The following RNF212B variants were observed in gnomAD, a reference collection of about 807,000 sequenced individuals.
RNF212B encodes the protein E3 ubiquitin-protein ligase RNF212B.
A neutral mutation model predicts 55.5 loss-of-function variants in RNF212B; 52 were observed. That is an observed-to-expected ratio of 0.94 (90% CI 0.75 to 1.18). The LOEUF is 1.18. RNF212B is among the 50% of genes most tolerant of loss of function. The probability of loss-of-function intolerance (pLI) is 0.00; values close to 1 mark genes in which losing one functional copy is unlikely to be tolerated. For synonymous variants in RNF212B, 99 were observed against 121.4 expected (o/e 0.82, Z 1.21); for missense variants, 289 against 350.4 (o/e 0.82, Z 1.40).
At chr14:23,265,499 T>C (rs1459701304) in intron 11 of RNF212B, among the ~76,000 whole-genome samples, 1 of 152,202 alleles carries the variant, frequency 6.6e-6, no homozygotes, top group African/African-American at 2.4e-5. Context: ...AGAGAAGACT[T>C]TCACAAGAAA....
intron 2 of RNF212B, among the ~76,000 whole-genome samples, chr14:23,219,468 C>T (rs557608299): frequency 7.3e-6 from 1 of 137,724 alleles, no homozygotes. Flanking sequence ...TCTCCTTCTT[C>T]TCCTTCTAGT....
At position 23,248,203 on chromosome 14, in the gene RNF212B, CTGCAGCCT is replaced by C. The variant is rs549532168; in HGVS notation, c.228+3811_228+3818del. ...TGGCCAGTGGTGCAATCATGGCTCCCTGCAGCCTTGCCCTCTTGAGCTCAGGCGATCCT... is the reference window on the plus strand; with the variant it reads ...TGGCCAGTGGTGCAATCATGGCTCCCTGCCCTCTTGAGCTCAGGCGATCCT... On this transcript the variant is annotated intron_variant, in intron 4 of 14. Coordinates refer to ENST00000430154, the MANE Select transcript of RNF212B (RefSeq NM_001282322.3). 2.6e-5 allele frequency among the ~76,000 whole-genome samples: 4 copies of C among 152,094 alleles called. No individual in the cohort carries two copies. The South Asian group carries it at 8.3e-4, about 32-fold the overall frequency.
intron 1 of RNF212B, among the ~76,000 whole-genome samples, chr14:23,190,392 C>T (rs1029747934): frequency 6.6e-6 from 1 of 152,204 alleles, no homozygotes; most frequent in African/African-American, 2.4e-5. Flanking sequence ...CGCTCCAAAC[C>T]TGATTTTTGC....
chr14:23,215,846 C>T (rs539897095), intron 2 of RNF212B, among the ~76,000 whole-genome samples: 1 of 152,258 alleles, frequency 6.6e-6, no homozygotes, highest in African/African-American at 2.4e-5. Flanking sequence ...TTCTCCTAGT[C>T]CTTATCCATT....
At chr14:23,227,148 A>T (rs1308091113) in intron 2 of RNF212B, among the ~76,000 whole-genome samples, 1 of 152,062 alleles carries the variant, frequency 6.6e-6, no homozygotes, top group Non-Finnish European at 1.5e-5. Context: ...AAATGAGTCA[A>T]GGGTATATGG....
chr14:23,244,450 A>G, intron 4 of RNF212B, 54 bp downstream of exon 4: 1 of 918,034 alleles, frequency 1.1e-6, no homozygotes, highest in Admixed American at 2.6e-5. Context: ...TTCTAATTGC[A>G]TCTTATTCCT....
At chr14:23,237,462 A>G (rs906534764), upstream of RNF212B, among the ~76,000 whole-genome samples, 3 of 152,128 alleles carry the variant, frequency 2.0e-5, no homozygotes, top group African/African-American at 4.8e-5. Flanking sequence ...ACTTTTTTTA[A>G]TTGAAATTTG....
chr14:23,231,747 C>T (rs1287462043), intron 2 of RNF212B, among the ~76,000 whole-genome samples: 1 of 152,128 alleles, frequency 6.6e-6, no homozygotes, highest in East Asian at 1.9e-4. Flanking sequence ...CTGCCTGATT[C>T]TCCTGCCTCA....
At chr14:23,205,292 CT>C (rs892530774) in intron 2 of RNF212B, among the ~76,000 whole-genome samples, 1 of 140,400 alleles carries the variant, frequency 7.1e-6, no homozygotes, top group Non-Finnish European at 1.5e-5. Context: ...AAATTTTTCT[CT>C]TTTTTTTAAA....
chr14:23,270,850 C>T (rs1191063107), intron 14 of RNF212B, among the ~76,000 whole-genome samples, 189 bp downstream of exon 14: 1 of 152,106 alleles, frequency 6.6e-6, no homozygotes, highest in Non-Finnish European at 1.5e-5. Flanking sequence ...AGATTAGCTT[C>T]CTGGTTTGGG....
At chr14:23,239,134 G>T (rs1380579706) in intron 1 of RNF212B, among the ~76,000 whole-genome samples, 2 of 152,070 alleles carry the variant, frequency 1.3e-5, no homozygotes, top group African/African-American at 4.8e-5. Context: ...CACGATCTTG[G>T]CTCACTGCAA....
At chr14:23,227,895 G>T (rs1032142829) in intron 2 of RNF212B, among the ~76,000 whole-genome samples, 10 of 150,882 alleles carry the variant, frequency 6.6e-5, no homozygotes, top group African/African-American at 1.7e-4. Context: ...CACCACACCT[G>T]GTCAATAAAA....
In RNF212B at chr14:23,259,879, C is replaced by T; in HGVS notation, c.345-5C>T. The T allele has an allele frequency of 6.7e-7, 1 of 1,496,594 alleles. No homozygotes were observed. The highest frequency in any genetic ancestry group is 8.9e-7 in the Non-Finnish European group (1 of 1,118,606). The allele number at this position is 1,496,594 out of a possible 1,614,324, so 92.7% of individuals were successfully genotyped here. ...TGGAGCTGATTGTTTCCATCTTTTG[C>T]CTAGAGAATTGTCAGTCTTAAGGAA... On this transcript the variant is annotated splice_polypyrimidine_tract_variant and splice_region_variant and intron_variant, in intron 5 of 14. Transcript: ENST00000430154.
chr14:23,257,076 G>A (rs1884889930), intron 4 of RNF212B, among the ~76,000 whole-genome samples: 1 of 152,050 alleles, frequency 6.6e-6, no homozygotes, highest in African/African-American at 2.4e-5. Context: ...TCGCTTGAAC[G>A]TGGGTGGCGG....
intron 2 of RNF212B, among the ~76,000 whole-genome samples, chr14:23,202,182 AG>A (rs1879359267): frequency 1.3e-5 from 2 of 149,908 alleles, no homozygotes; most frequent in African/African-American, 4.9e-5. Flanking sequence ...ACCCAAGAGG[AG>A]GAGCTTGCAG....
intron 9 of RNF212B, 120 bp from the exon 10 acceptor site, chr14:23,264,054 C>A: frequency 1.4e-6 from 1 of 710,956 alleles, no homozygotes; most frequent in Non-Finnish European, 2.3e-6. Flanking sequence ...TGCCATTGTG[C>A]TCTAGCCTGG....
At chr14:23,237,056 T>C (rs1177531488), upstream of RNF212B, among the ~76,000 whole-genome samples, 1 of 148,400 alleles carries the variant, frequency 6.7e-6, no homozygotes, top group Admixed American at 6.8e-5. Flanking sequence ...CTCGACCCCG[T>C]GGGATTAAGT....
chr14:23,247,582 G>A (rs1884082484), intron 4 of RNF212B, among the ~76,000 whole-genome samples: 2 of 152,216 alleles, frequency 1.3e-5, no homozygotes, highest in South Asian at 4.1e-4. Flanking sequence ...TAGCATCTCT[G>A]TTAGGACTTT....
At chr14:23,248,604 G>T (rs1884178638) in intron 4 of RNF212B, among the ~76,000 whole-genome samples, 1 of 151,592 alleles carries the variant, frequency 6.6e-6, no homozygotes, top group African/African-American at 2.4e-5. Context: ...ACCACACCTG[G>T]CTAATTTTTG....
Sources: allele counts gnomAD v4.1 joint callset (sites outside exome capture counted in the v4.1 genomes callset), GRCh38; gene constraint gnomAD v4.1.1; transcripts MANE v1.5; gene names NCBI Gene and HGNC (gene_info 2026-07-23, HGNC 2026-07-21).